The following BARX2 variants were observed in gnomAD, a reference collection of about 807,000 sequenced individuals.
BARX2 encodes the protein BARX homeobox 2, also known as homeobox protein BarH-like 2.
Under a neutral mutation model 25.5 loss-of-function variants are expected in BARX2, and 11 were observed. The ratio of observed to expected loss-of-function variants is 0.43; its 90% CI spans 0.27 to 0.71. BARX2 has a LOEUF of 0.71. Ranked by LOEUF, BARX2 falls within the 30% of genes least tolerant of loss-of-function variation. BARX2 has a pLI of 0.19. For synonymous variants in BARX2, 137 were observed against 149.5 expected (o/e 0.92, Z 0.61); for missense variants, 360 against 359.9 (o/e 1.00, Z 0.00).
At chr11:129,400,798 G>T (rs1263247816) in intron 1 of BARX2, among the ~76,000 whole-genome samples, 1 of 152,192 alleles carries the variant, frequency 6.6e-6, no homozygotes, top group East Asian at 1.9e-4. Flanking sequence ...GCAGGCGTGG[G>T]TCAAGGATGG....
chr11:129,451,051 A>C (rs1862392356), intron 3 of BARX2, 85 bp from the exon 4 acceptor site: 5 of 1,502,038 alleles, frequency 3.3e-6, no homozygotes, highest in Non-Finnish European at 4.5e-6. Flanking sequence ...GATGGTTTAG[A>C]TGCAACGTGA....
At chr11:129,400,790 AG>A (rs1336563976) in intron 1 of BARX2, among the ~76,000 whole-genome samples, 1 of 152,198 alleles carries the variant, frequency 6.6e-6, no homozygotes, top group African/African-American at 2.4e-5. Flanking sequence ...GGGCGGTGGC[AG>A]GCGTGGGTCA....
chr11:129,423,117 A>AT (rs397729545), intron 1 of BARX2, among the ~76,000 whole-genome samples: 137,743 of 145,444 alleles, frequency 0.95, 65,242 homozygotes, highest in East Asian at 0.99. Flanking sequence ...ATCAGATTGG[A>AT]TTTTTTTTTT....
chr11:129,422,583 G>A (rs1213571999), intron 1 of BARX2, among the ~76,000 whole-genome samples: 1 of 152,058 alleles, frequency 6.6e-6, no homozygotes, highest in African/African-American at 2.4e-5. Context: ...ACAGGCGTGA[G>A]CCATCGTGTC....
intron 1 of BARX2, among the ~76,000 whole-genome samples, chr11:129,392,004 G>A (rs990965354): frequency 2.9e-4 from 44 of 152,098 alleles, no homozygotes; most frequent in Non-Finnish European, 4.1e-4. Flanking sequence ...CAATCACATC[G>A]CCACAGCTCT....
chr11:129,419,583 A>T (rs1468022307), intron 1 of BARX2, among the ~76,000 whole-genome samples: 1 of 152,092 alleles, frequency 6.6e-6, no homozygotes, highest in Non-Finnish European at 1.5e-5. Context: ...GGAGTGAAGG[A>T]TGTATGTGCA....
chr11:129,396,718 T>C (rs1204720117), intron 1 of BARX2, among the ~76,000 whole-genome samples: 1 of 151,910 alleles, frequency 6.6e-6, no homozygotes, highest in Non-Finnish European at 1.5e-5. Context: ...GGAATTGGAG[T>C]AATAGAATAT....
chr11:129,402,976 G>A (rs924475124), intron 1 of BARX2, among the ~76,000 whole-genome samples: 3 of 152,256 alleles, frequency 2.0e-5, no homozygotes, highest in Non-Finnish European at 4.4e-5. Flanking sequence ...GTATTCAGAT[G>A]AGGAGAATGG....
intron 1 of BARX2, among the ~76,000 whole-genome samples, chr11:129,398,313 G>T (rs1433050538): frequency 1.3e-5 from 2 of 152,162 alleles, no homozygotes. Context: ...GTTTTACCAG[G>T]AAAAGAGGCT....
rs1861869645 is a variant in BARX2, at chr11:129,409,943, C to G, written c.188-26808C>G. ...TTGATCCACTAATTTTCTTATCTTT[C>G]TCTTCCCATTTCTCTACTTTGTATT... On this transcript the variant is annotated intron_variant, in intron 1 of 3. Transcript: ENST00000281437. 2.6e-5 allele frequency among the ~76,000 whole-genome samples: 4 copies of G among 152,142 alleles called. No individual in the cohort carries two copies. In the South Asian group the frequency reaches 6.2e-4, roughly 24 times the overall value.
chr11:129,396,100 T>G (rs1861717871), intron 1 of BARX2, among the ~76,000 whole-genome samples: 1 of 152,196 alleles, frequency 6.6e-6, no homozygotes, highest in Non-Finnish European at 1.5e-5. Context: ...GCTTATTTAA[T>G]GCATGACATC....
chr11:129,385,362 T>A (rs1193381923), intron 1 of BARX2, among the ~76,000 whole-genome samples: 1 of 152,200 alleles, frequency 6.6e-6, no homozygotes, highest in Admixed American at 6.5e-5. Flanking sequence ...ACCTGTGTGT[T>A]ATGTTAGTAA....
chr11:129,450,534 A>G (rs1375780018), intron 3 of BARX2, among the ~76,000 whole-genome samples: 3 of 152,220 alleles, frequency 2.0e-5, no homozygotes, highest in Admixed American at 2.0e-4. Context: ...GATTTACTAT[A>G]ATTCTACCCA....
At chr11:129,407,736 G>A (rs1261475086) in intron 1 of BARX2, among the ~76,000 whole-genome samples, 1 of 152,118 alleles carries the variant, frequency 6.6e-6, no homozygotes, top group East Asian at 1.9e-4. Flanking sequence ...CAGTCCAGTA[G>A]GAAAGACATG....
intron 1 of BARX2, among the ~76,000 whole-genome samples, chr11:129,407,268 A>T (rs964661884): frequency 6.6e-6 from 1 of 152,176 alleles, no homozygotes; most frequent in Non-Finnish European, 1.5e-5. Context: ...TTCATGTAAC[A>T]CATTTGAGAA....
At chr11:129,406,889 G>A (rs180955714) in intron 1 of BARX2, among the ~76,000 whole-genome samples, 7 of 152,252 alleles carry the variant, frequency 4.6e-5, no homozygotes, top group Admixed American at 1.3e-4. Flanking sequence ...TAAAAATCAG[G>A]TTAAAAAAAT....
intron 2 of BARX2, 84 bp from the exon 3 acceptor site, chr11:129,442,751 C>A: frequency 8.2e-7 from 1 of 1,215,562 alleles, no homozygotes; most frequent in Non-Finnish European, 1.2e-6. Flanking sequence ...GTGCTGGAGC[C>A]TGTCTGGAGC....
chr11:129,436,785 G>A lies in BARX2; in HGVS notation c.222G>A (p.Ser74=), dbSNP rs149699398. ...CCCTGCGGGCATATCCGCTCCTCTCGGTGATCACCCGCCAGCCCACTGTCA... is the reference window on the plus strand; with the variant it reads ...CCCTGCGGGCATATCCGCTCCTCTCAGTGATCACCCGCCAGCCCACTGTCA... ...SPSLRAYPLL[S]VITRQPTVIS... is the part of the protein sequence containing the mutation. Residue 74 remains serine (S), a synonymous_variant, in exon 2 of 4, where the codon TCG becomes TCA. Coordinates refer to ENST00000281437, the MANE Select transcript of BARX2 (RefSeq NM_003658.5). The surrounding 1 kb of genome is among the most constrained non-coding windows in gnomAD (Gnocchi z 4.5). The A allele has an allele frequency of 3.2e-5, 52 of 1,607,390 alleles. No homozygotes were observed. Among genetic ancestry groups the A allele is most frequent in the Admixed American group, 8.4e-5 (5 of 59,214 alleles).
At chr11:129,426,850 T>C (rs1006617799) in intron 1 of BARX2, among the ~76,000 whole-genome samples, 1 of 150,424 alleles carries the variant, frequency 6.6e-6, no homozygotes, top group African/African-American at 2.5e-5. Context: ...ATTTGGGGAG[T>C]GTTGGTAGTT....
Sources: gnomAD v4.1 joint callset for allele counts (sites outside exome capture counted in the v4.1 genomes callset) on GRCh38, gnomAD v4.1.1 for gene constraint, Gnocchi (gnomAD v3.1) non-coding constraint, MANE v1.5 for transcripts, NCBI Gene and HGNC (gene_info 2026-07-23, HGNC 2026-07-21) for gene names.